The following KDM2B variants were observed in gnomAD, a reference collection of about 807,000 sequenced individuals.
KDM2B encodes lysine demethylase 2B.
KDM2B carries 26 observed loss-of-function variants against 150.0 expected under a neutral mutation model. The observed-to-expected ratio is 0.17, with a 90% CI of 0.13 to 0.24. KDM2B has a LOEUF of 0.24. Ranked by LOEUF, KDM2B falls within the 10% of genes least tolerant of loss-of-function variation. The pLI, the probability that KDM2B is intolerant of heterozygous loss-of-function variation, is 1.00. For synonymous variants in KDM2B, 734 were observed against 729.5 expected (o/e 1.01, Z -0.10); for missense variants, 1,265 against 1,816.9 (o/e 0.70, Z 5.52).
intron 8 of KDM2B, among the ~76,000 whole-genome samples, chr12:121,522,514 C>CAA (rs113323793): frequency 2.1e-5 from 2 of 94,172 alleles, no homozygotes; most frequent in African/African-American, 4.0e-5. Flanking sequence ...AACTCCGTCT[C>CAA]AAAAAAAAAA....
intron 11 of KDM2B, among the ~76,000 whole-genome samples, chr12:121,505,441 T>C (rs1884983981): frequency 6.6e-6 from 1 of 151,930 alleles, no homozygotes; most frequent in Non-Finnish European, 1.5e-5. Flanking sequence ...GGGCTCAAGA[T>C]GAGCCTGGGC....
At position 121,467,232 on chromosome 12, in the gene KDM2B, T is replaced by A. The variant is rs1880137951; in HGVS notation, c.1735-13888A>T. 9.8e-7 allele frequency: 1 copy of A among 1,018,636 alleles called. No homozygotes were observed. Among genetic ancestry groups the A allele is most frequent in the Non-Finnish European group, 1.2e-6 (1 of 848,426 alleles). 63.1% of individuals were successfully genotyped at this position (1,018,636 alleles called of 1,614,324 possible). A position where few individuals can be genotyped will look rare whatever the true frequency, so the allele number is the denominator to read the frequency against. On this transcript the variant is annotated intron_variant, in intron 12 of 22. Coordinates refer to ENST00000377071, the MANE Select transcript of KDM2B (RefSeq NM_032590.5). The surrounding 1 kb of genome is among the most constrained non-coding windows in gnomAD (Gnocchi z 5.1). Reference sequence around the variant, plus strand: ...GCCATGGCTCATGGTGGGCCCAGGCTCGCGCGCGCTGACATGGCTGGAGCG... The same window carrying A: ...GCCATGGCTCATGGTGGGCCCAGGCACGCGCGCGCTGACATGGCTGGAGCG...
chr12:121,443,507 A>G, intron 17 of KDM2B, 173 bp downstream of exon 17: 1 of 619,028 alleles, frequency 1.6e-6, no homozygotes, highest in Non-Finnish European at 2.9e-6. Flanking sequence ...GGCTCTAGGC[A>G]CAGACAGCTT....
chr12:121,449,787 T>C (rs1279552759), intron 13 of KDM2B, among the ~76,000 whole-genome samples: 1 of 152,124 alleles, frequency 6.6e-6, no homozygotes, highest in Non-Finnish European at 1.5e-5. Flanking sequence ...TAGACAAAAA[T>C]GCATTTAATT....
At chr12:121,469,671 C>A (rs1880548477) in intron 12 of KDM2B, 1 of 151,286 alleles carries the variant, frequency 6.6e-6, no homozygotes, top group Non-Finnish European at 1.5e-5. Context: ...TGACCTCTTG[C>A]TGGCCACTCT....
intron 22 of KDM2B, among the ~76,000 whole-genome samples, chr12:121,431,741 C>A (rs112953360): frequency 0.013 from 1,904 of 152,208 alleles, 48 homozygotes; most frequent in African/African-American, 0.044. Flanking sequence ...AATTCGTGAA[C>A]CTGGAGCAGT....
chr12:121,418,672 A>G, the KDM2B span: 9 of 152,100 alleles, frequency 5.9e-5, no homozygotes, highest in Admixed American at 5.9e-4. Context: ...GTGTACCATG[A>G]TTGCAACTGT....
Position 121,453,044 on chromosome 12 carries a change from C to G in KDM2B, c.1959+76G>C, listed in dbSNP as rs1350900705. 1 of 1,287,742 alleles carries G rather than the reference C, an allele frequency of 7.8e-7. No homozygotes were observed. Among genetic ancestry groups the G allele is most frequent in the Non-Finnish European group, 1.1e-6 (1 of 949,286 alleles). The allele number at this position is 1,287,742 out of a possible 1,614,324, so 79.8% of individuals were successfully genotyped here. ...TCTGTGTGCGGAGGGGCGGCCAGAG[C>G]GAGCAGCGGTCAGACACGCGGGCCG... is the stretch of plus-strand genomic sequence containing the variant. On this transcript the variant is annotated intron_variant, in intron 13 of 22. Transcript: ENST00000377071. This position sits in a 1 kb window ranked among gnomAD's most constrained non-coding sequence, Gnocchi z 6.4.
chr12:121,519,314 A>G (rs1555305504), intron 9 of KDM2B, among the ~76,000 whole-genome samples: 1 of 152,252 alleles, frequency 6.6e-6, no homozygotes, highest in Non-Finnish European at 1.5e-5. Flanking sequence ...GGCTTGGTAC[A>G]GAGCAGGTGC....
At chr12:121,580,132 A>G in intron 1 of KDM2B, 2 of 1,570,554 alleles carry the variant, frequency 1.3e-6, no homozygotes, top group South Asian at 2.4e-5. Flanking sequence ...AGGGAAGACC[A>G]AAGAAAACAA....
In KDM2B at chr12:121,534,489, A is replaced by G. The variant is rs1555308399; in HGVS notation, c.777+8T>C. The G allele has an allele frequency of 6.2e-7, 1 of 1,610,032 alleles. No homozygotes were observed. The highest frequency in any genetic ancestry group is 1.7e-5 in the Admixed American group (1 of 60,004). ...ATGCATAGAAAGTTAAAGGCAACTG[A>G]AACTCACCTTCCCACCCCGGAAAAC... On this transcript the variant is annotated splice_region_variant and intron_variant, in intron 7 of 22. Transcript: ENST00000377071.
intron 8 of KDM2B, among the ~76,000 whole-genome samples, chr12:121,530,685 A>C (rs1256174021): frequency 2.6e-5 from 4 of 152,078 alleles, no homozygotes; most frequent in Non-Finnish European, 5.9e-5. Context: ...TGCTTGCAGC[A>C]ACTCAAATGC....
At chr12:121,554,376 A>G (rs1269621155) in intron 4 of KDM2B, among the ~76,000 whole-genome samples, 1 of 151,966 alleles carries the variant, frequency 6.6e-6, no homozygotes, top group East Asian at 1.9e-4. Context: ...TATACCTTGT[A>G]TATATCATGA....
intron 11 of KDM2B, among the ~76,000 whole-genome samples, chr12:121,496,409 G>A (rs782402950): frequency 2.6e-5 from 4 of 151,966 alleles, no homozygotes; most frequent in East Asian, 1.9e-4. Context: ...ACAAATGAAG[G>A]TGAAGATTAT....
intron 12 of KDM2B, among the ~76,000 whole-genome samples, chr12:121,479,451 A>C (rs1334377165): frequency 1.5e-5 from 2 of 130,628 alleles, no homozygotes; most frequent in Non-Finnish European, 3.2e-5. Flanking sequence ...TGGGCGACAG[A>C]GCGAGACCCT....
chr12:121,514,120 T>C (rs1363017692), intron 9 of KDM2B, among the ~76,000 whole-genome samples: 1 of 152,136 alleles, frequency 6.6e-6, no homozygotes, highest in African/African-American at 2.4e-5. Flanking sequence ...ATCTCGGGTC[T>C]GGAGCAGGAG....
intron 11 of KDM2B, among the ~76,000 whole-genome samples, chr12:121,497,450 G>A (rs529088722): frequency 1.2e-4 from 18 of 152,092 alleles, no homozygotes; most frequent in African/African-American, 4.1e-4. Context: ...GATTACAGGC[G>A]TGTGCCACCA....
chr12:121,559,666 C>G (rs782527329), intron 4 of KDM2B, among the ~76,000 whole-genome samples: 2 of 151,750 alleles, frequency 1.3e-5, no homozygotes. Flanking sequence ...TTTGGGAGGC[C>G]GAGGCAGGAG....
intron 6 of KDM2B, among the ~76,000 whole-genome samples, chr12:121,538,369 G>A (rs545644805): frequency 3.3e-4 from 51 of 152,278 alleles, no homozygotes; most frequent in Middle Eastern, 3.4e-3. Flanking sequence ...TAGGGGCCGC[G>A]GGGAGAGTGG....
Sources: allele counts gnomAD v4.1 joint callset (sites outside exome capture counted in the v4.1 genomes callset), GRCh38; gene constraint gnomAD v4.1.1; non-coding constraint Gnocchi (gnomAD v3.1); transcripts MANE v1.5; gene names NCBI Gene and HGNC (gene_info 2026-07-23, HGNC 2026-07-21).